The following BCAR3 variants were observed in gnomAD, a reference collection of about 807,000 sequenced individuals.
The protein encoded by BCAR3 is BCAR3 adaptor protein, NSP family member.
Under a neutral mutation model 80.1 loss-of-function variants are expected in BCAR3, and 37 were observed. The ratio of observed to expected loss-of-function variants is 0.46; its 90% CI spans 0.36 to 0.61. The LOEUF is 0.61. Ranked by LOEUF, BCAR3 falls within the 20% of genes least tolerant of loss-of-function variation. The probability of loss-of-function intolerance (pLI) is 0.00; values close to 1 mark genes in which losing one functional copy is unlikely to be tolerated. For synonymous variants in BCAR3, 389 were observed against 418.9 expected, an observed-to-expected ratio of 0.93 and a Z score of 0.87; for missense variants, 978 against 1,068.2, an observed-to-expected ratio of 0.92 and a Z score of 1.18.
intron 2 of BCAR3, among the ~76,000 whole-genome samples, chr1:93,647,735 G>A (rs969800543): frequency 1.6e-4 from 24 of 152,080 alleles, no homozygotes; most frequent in African/African-American, 5.8e-4. Context: ...AATGGCATCT[G>A]AGACCAGCTG....
intron 3 of BCAR3, among the ~76,000 whole-genome samples, chr1:93,614,408 G>A (rs1028452379): frequency 3.9e-5 from 6 of 152,050 alleles, no homozygotes; most frequent in Admixed American, 2.6e-4. Flanking sequence ...TAAGGAAGCA[G>A]GGTAAGTTGT....
chr1:93,787,548 C>T (rs746079273), intron 2 of BCAR3, among the ~76,000 whole-genome samples: 12 of 152,094 alleles, frequency 7.9e-5, no homozygotes, highest in East Asian at 1.9e-4. Context: ...TTTTAATTTC[C>T]GTCTTGATTT....
rs76533922 is a variant in BCAR3 at position 93,742,420 on chromosome 1, G to C, written c.-62-36278C>G. Among the ~76,000 whole-genome samples the C allele has an allele frequency of 9.8e-4, 150 of 152,308 alleles. 1 individual carries two copies. The highest frequency in any genetic ancestry group is 6.8e-3 in the Middle Eastern group (2 of 294). ...GGCTTATTGACTCCTGAGTTGACTA[G>C]GTGCTAATAGTTTCTGATAATCTCC... On this transcript the variant is annotated intron_variant, in intron 2 of 13. Coordinates refer to the BCAR3 transcript ENST00000370244.
At chr1:93,770,382 T>C (rs1652316956) in intron 2 of BCAR3, among the ~76,000 whole-genome samples, 1 of 152,032 alleles carries the variant, frequency 6.6e-6, no homozygotes, top group Non-Finnish European at 1.5e-5. Flanking sequence ...TCAGAAAAAC[T>C]TGAATGATTG....
chr1:93,725,591 A>G (rs1454654458), intron 2 of BCAR3, among the ~76,000 whole-genome samples: 1 of 151,914 alleles, frequency 6.6e-6, no homozygotes, highest in Non-Finnish European at 1.5e-5. Context: ...TGTTTTTTCT[A>G]TTTCTTTGTG....
intron 7 of BCAR3, among the ~76,000 whole-genome samples, chr1:93,579,957 C>T (rs540902784): frequency 6.9e-4 from 105 of 152,356 alleles, no homozygotes; most frequent in African/African-American, 2.2e-3. Flanking sequence ...TCGCAAATTG[C>T]GTGACTACCT....
Position 93,756,943 on chromosome 1 carries a change from G to T in BCAR3, c.-62-50801C>A, listed in dbSNP as rs138099629. On this transcript the variant is annotated intron_variant, in intron 2 of 13. Transcript: ENST00000370244. ...ACAAAATTTACACTCTAGGCTTCTA[G>T]AGTTGCCTGGAATGGAAAAGGCAGA... Among the ~76,000 whole-genome samples, 670 of 152,294 alleles carry T rather than the reference G, an allele frequency of 4.4e-3. 5 individuals are homozygous for T. The highest frequency in any genetic ancestry group is 0.015 in the African/African-American group (637 of 41,554).
chr1:93,765,383 G>C (rs1488384327), intron 2 of BCAR3, among the ~76,000 whole-genome samples: 1 of 152,120 alleles, frequency 6.6e-6, no homozygotes, highest in Non-Finnish European at 1.5e-5. Context: ...ACATTTCCCT[G>C]GTCTTGGTTA....
chr1:93,757,770 T>G (rs977571749), intron 2 of BCAR3, among the ~76,000 whole-genome samples: 2 of 152,220 alleles, frequency 1.3e-5, no homozygotes, highest in Non-Finnish European at 2.9e-5. Context: ...GCCTGCAGAA[T>G]GCACATGCTG....
chr1:93,643,509 G>A (rs1326128343), intron 2 of BCAR3, among the ~76,000 whole-genome samples: 3 of 121,216 alleles, frequency 2.5e-5, no homozygotes, highest in Non-Finnish European at 4.7e-5. Context: ...TCACGCCATC[G>A]CACTCCAGTC....
intron 2 of BCAR3, chr1:93,754,371 A>G (rs1280196199): frequency 6.6e-6 from 1 of 152,230 alleles, no homozygotes; most frequent in African/African-American, 2.4e-5. Flanking sequence ...CAAGAGAGAG[A>G]GTAATCAGAT....
chr1:93,684,475 G>A (rs1258247049), upstream of BCAR3, among the ~76,000 whole-genome samples: 1 of 152,162 alleles, frequency 6.6e-6, no homozygotes, highest in African/African-American at 2.4e-5. Flanking sequence ...AATAATGGAT[G>A]TGAAACTGCC....
At chr1:93,584,192 G>A in intron 5 of BCAR3, 71 bp from the exon 6 acceptor site, 4 of 1,392,708 alleles carry the variant, frequency 2.9e-6, no homozygotes, top group East Asian at 2.3e-5. Context: ...GCAATGCCAT[G>A]GGAACTTAAA....
intron 2 of BCAR3, among the ~76,000 whole-genome samples, chr1:93,823,171 C>T (rs1331345062): frequency 1.5e-5 from 2 of 133,532 alleles, no homozygotes; most frequent in Admixed American, 1.6e-4. Context: ...TCCTGGGAGT[C>T]AATCACTCAA....
intron 3 of BCAR3, among the ~76,000 whole-genome samples, chr1:93,624,274 A>AC (rs1329535864): frequency 6.6e-6 from 1 of 152,236 alleles, no homozygotes; most frequent in Non-Finnish European, 1.5e-5. Flanking sequence ...ACTGGCTGAG[A>AC]CATCCCCTTA....
intron 2 of BCAR3, chr1:93,754,466 G>T (rs921773283): frequency 6.6e-6 from 1 of 152,168 alleles, no homozygotes; most frequent in Admixed American, 6.5e-5. Flanking sequence ...GCATAATATG[G>T]TTTGACCCAC....
At chr1:93,720,634 C>A (rs1394434757) in intron 2 of BCAR3, among the ~76,000 whole-genome samples, 1 of 152,250 alleles carries the variant, frequency 6.6e-6, no homozygotes, top group Non-Finnish European at 1.5e-5. Flanking sequence ...ACTTAAAACT[C>A]CTACTGCCTT....
rs368260693 is a variant in BCAR3 at position 93,810,821 on chromosome 1, G to A, written c.-63+34746C>T. 2.6e-4 allele frequency among the ~76,000 whole-genome samples: 40 copies of A among 152,306 alleles called. 3 individuals are homozygous for A. Among genetic ancestry groups the A allele is most frequent in the Admixed American group, 1.2e-3 (19 of 15,290 alleles). On this transcript the variant is annotated intron_variant, in intron 2 of 13. Transcript: ENST00000370244. ...ACTCCCATTAGGCTAAAGATATGTA[G>A]AACAGAGCAGTACACTAGTGCTAAA...
chr1:93,609,260 A>T (rs543148211), intron 3 of BCAR3, among the ~76,000 whole-genome samples: 1 of 152,324 alleles, frequency 6.6e-6, no homozygotes, highest in South Asian at 2.1e-4. Flanking sequence ...GGCTGCAAAG[A>T]CAGTCGAATA....
Sources: allele counts gnomAD v4.1 joint callset (sites outside exome capture counted in the v4.1 genomes callset), GRCh38; gene constraint gnomAD v4.1.1; transcripts MANE v1.5; gene names NCBI Gene and HGNC (gene_info 2026-07-23, HGNC 2026-07-21).